GALNT13: variants seen among roughly 807,000 people sequenced by gnomAD.
GALNT13 encodes the protein UDP-GalNAc:polypeptide N-acetylgalactosaminyltransferase 13.
A neutral mutation model predicts 64.2 loss-of-function variants in GALNT13; 28 were observed. That is an observed-to-expected ratio of 0.44 (90% CI 0.32 to 0.60). The LOEUF is 0.60. GALNT13 is among the 20% of genes least tolerant of loss of function. The pLI, the probability that GALNT13 is intolerant of heterozygous loss-of-function variation, is 0.05. For synonymous variants in GALNT13, 214 were observed against 224.6 expected (o/e 0.95, Z 0.42); for missense variants, 577 against 669.8 (o/e 0.86, Z 1.53).
the GALNT13 span, among the ~76,000 whole-genome samples, chr2:153,408,626 G>C: frequency 6.6e-6 from 1 of 151,898 alleles, no homozygotes; most frequent in African/African-American, 2.4e-5. Context: ...GCCCACAGTT[G>C]GTGTTTTTTG....
At chr2:154,203,111 A>G (rs1472264387) in intron 4 of GALNT13, among the ~76,000 whole-genome samples, 2 of 152,122 alleles carry the variant, frequency 1.3e-5, no homozygotes, top group Admixed American at 1.3e-4. Context: ...CCCAGAATGT[A>G]AAACTTATTG....
the GALNT13 span, among the ~76,000 whole-genome samples, chr2:153,622,800 G>A: frequency 6.6e-6 from 1 of 152,016 alleles, no homozygotes; most frequent in Non-Finnish European, 1.5e-5. Flanking sequence ...TGGTAACTAT[G>A]TTTTGCTTTT....
the GALNT13 span, among the ~76,000 whole-genome samples, chr2:153,832,512 A>G: frequency 2.0e-5 from 3 of 152,180 alleles, no homozygotes; most frequent in Admixed American, 1.3e-4. Context: ...AGTGTGACTA[A>G]TAAAATAAAA....
chr2:153,590,490 A>G, the GALNT13 span, among the ~76,000 whole-genome samples: 24 of 152,222 alleles, frequency 1.6e-4, no homozygotes, highest in East Asian at 4.5e-3. Context: ...TGAGGCCAGT[A>G]TTACACTGAT....
chr2:154,357,984 C>G (rs1432373169), intron 9 of GALNT13, among the ~76,000 whole-genome samples: 1 of 152,052 alleles, frequency 6.6e-6, no homozygotes, highest in East Asian at 1.9e-4. Context: ...ACTTACTCAT[C>G]TCAGCCCAAT....
chr2:154,010,543 G>A (rs1450703359), intron 3 of GALNT13, among the ~76,000 whole-genome samples: 1 of 152,086 alleles, frequency 6.6e-6, no homozygotes, highest in Non-Finnish European at 1.5e-5. Flanking sequence ...TTGGCCTGAA[G>A]TCTTCTCTTT....
chr2:153,401,607 C>T, the GALNT13 span, among the ~76,000 whole-genome samples: 2,866 of 151,012 alleles, frequency 0.019, 93 homozygotes, highest in African/African-American at 0.067. Flanking sequence ...AATCTGGGTG[C>T]CCCTGTATTG....
intron 10 of GALNT13, among the ~76,000 whole-genome samples, chr2:154,398,495 T>C (rs911761214): frequency 4.9e-5 from 7 of 143,432 alleles, no homozygotes; most frequent in African/African-American, 1.6e-4. Flanking sequence ...AAACTACTGA[T>C]TTCAAATTAG....
chr2:153,809,398 C>T, the GALNT13 span, among the ~76,000 whole-genome samples: 5 of 152,250 alleles, frequency 3.3e-5, no homozygotes, highest in South Asian at 1.0e-3. Context: ...TGGGTGGCTT[C>T]TCTGTGATTC....
At chr2:154,255,173 A>G (rs1287950027) in intron 7 of GALNT13, among the ~76,000 whole-genome samples, 3 of 152,148 alleles carry the variant, frequency 2.0e-5, no homozygotes, top group Non-Finnish European at 4.4e-5. Context: ...TCAAGCAGGA[A>G]GCCTGATGTA....
chr2:153,300,995 G>A, the GALNT13 span, among the ~76,000 whole-genome samples: 5 of 152,126 alleles, frequency 3.3e-5, no homozygotes, highest in Non-Finnish European at 1.5e-5. Flanking sequence ...CTTCAGGCCA[G>A]ATGTTTGAGA....
rs138497917 is a variant in GALNT13, at chr2:153,967,932, A to C, written c.142+23293A>C. On this transcript the variant is annotated intron_variant, in intron 3 of 12. Coordinates refer to ENST00000392825, the MANE Select transcript of GALNT13 (RefSeq NM_052917.4). ...AGGCACTTCAGAAATCTTCCTGATA[A>C]TTTACTTTGCTGTGAGTGAGCTGGT... Among the ~76,000 whole-genome samples the C allele has an allele frequency of 1.8e-4, 28 of 152,102 alleles. No individual in the cohort carries two copies. The East Asian group carries it at 4.7e-3, about 25-fold the overall frequency.
the GALNT13 span, among the ~76,000 whole-genome samples, chr2:153,194,647 CT>C: frequency 6.6e-6 from 1 of 152,108 alleles, no homozygotes; most frequent in Non-Finnish European, 1.5e-5. Context: ...CATTTCCTTG[CT>C]TTTTCCTGTT....
At chr2:153,359,139 T>C in the GALNT13 span, among the ~76,000 whole-genome samples, 1 of 152,214 alleles carries the variant, frequency 6.6e-6, no homozygotes, top group Admixed American at 6.5e-5. Flanking sequence ...TGATGGTAAT[T>C]ATCAATGATT....
chr2:153,948,401 G>T (rs1691926756), intron 3 of GALNT13, among the ~76,000 whole-genome samples: 3 of 152,060 alleles, frequency 2.0e-5, no homozygotes, highest in Admixed American at 2.0e-4. Context: ...CTTTCCTGTT[G>T]GTGGGAGTGT....
chr2:153,141,426 C>T, the GALNT13 span, among the ~76,000 whole-genome samples: 1 of 151,974 alleles, frequency 6.6e-6, no homozygotes, highest in Non-Finnish European at 1.5e-5. Context: ...GTAGAGCTTC[C>T]ACCCCGTGAG....
At chr2:154,313,585 G>T (rs1694170993) in intron 9 of GALNT13, among the ~76,000 whole-genome samples, 1 of 151,876 alleles carries the variant, frequency 6.6e-6, no homozygotes, top group Admixed American at 6.6e-5. Flanking sequence ...CTCCCAAGTA[G>T]CTGGGACTAT....
the GALNT13 span, among the ~76,000 whole-genome samples, chr2:153,660,298 A>G: frequency 6.6e-6 from 1 of 152,116 alleles, no homozygotes; most frequent in East Asian, 1.9e-4. Context: ...TTGCCTTTGC[A>G]GAGAAGTGTG....
At chr2:154,098,522 A>G (rs1574495152) in intron 3 of GALNT13, among the ~76,000 whole-genome samples, 1 of 151,952 alleles carries the variant, frequency 6.6e-6, no homozygotes, top group East Asian at 1.9e-4. Flanking sequence ...TAATGGTGAG[A>G]TTTGAGCTTC....
Sources: gnomAD v4.1 joint callset for allele counts (sites outside exome capture counted in the v4.1 genomes callset) on GRCh38, gnomAD v4.1.1 for gene constraint, MANE v1.5 for transcripts, NCBI Gene and HGNC (gene_info 2026-07-23, HGNC 2026-07-21) for gene names.